Variants in TBC1D22A observed in about 807,000 individuals in gnomAD.
TBC1D22A encodes the protein TBC1 domain family member 22A, also known as putative GTPase activator.
Under a neutral mutation model 60.2 loss-of-function variants are expected in TBC1D22A, and 38 were observed. The ratio of observed to expected loss-of-function variants is 0.63; its 90% CI spans 0.49 to 0.83. TBC1D22A has a LOEUF of 0.83. Ranked by LOEUF, TBC1D22A falls within the 40% of genes least tolerant of loss-of-function variation. TBC1D22A has a pLI of 0.00. For synonymous variants in TBC1D22A, 302 were observed against 281.7 expected, an observed-to-expected ratio of 1.07 and a Z score of -0.72; for missense variants, 628 against 701.0, an observed-to-expected ratio of 0.90 and a Z score of 1.18.
intron 11 of TBC1D22A, among the ~76,000 whole-genome samples, chr22:47,077,561 G>A (rs566759731): frequency 6.6e-6 from 1 of 152,332 alleles, no homozygotes; most frequent in South Asian, 2.1e-4. Context: ...TCTATGCCCG[G>A]TGACCTTTAG....
At chr22:47,095,119 T>C (rs5767482) in intron 11 of TBC1D22A, among the ~76,000 whole-genome samples, 75,013 of 152,206 alleles carry the variant, frequency 0.49, 19,423 homozygotes, top group African/African-American at 0.63. Flanking sequence ...TTAAAATGGC[T>C]GTGCTCTGCA....
intron 10 of TBC1D22A, among the ~76,000 whole-genome samples, chr22:47,019,425 G>A (rs76296696): frequency 0.045 from 6,785 of 152,308 alleles, 254 homozygotes; most frequent in African/African-American, 0.092. Context: ...GACGGGAGCC[G>A]TCACTGGCTG....
intron 4 of TBC1D22A, among the ~76,000 whole-genome samples, chr22:46,809,753 C>A (rs2085303398): frequency 6.6e-6 from 1 of 152,112 alleles, no homozygotes; most frequent in Non-Finnish European, 1.5e-5. Context: ...CGTGATGAGG[C>A]CATCTGCGGA....
intron 10 of TBC1D22A, among the ~76,000 whole-genome samples, chr22:47,014,648 CAG>C (rs1461039064): frequency 3.3e-5 from 5 of 152,248 alleles, no homozygotes; most frequent in Admixed American, 1.3e-4. Flanking sequence ...GCCTGACCAA[CAG>C]GGATGCTGAG....
At chr22:47,052,641 A>C (rs1181579635) in intron 11 of TBC1D22A, among the ~76,000 whole-genome samples, 1 of 152,170 alleles carries the variant, frequency 6.6e-6, no homozygotes, top group East Asian at 1.9e-4. Flanking sequence ...GCCACATCAC[A>C]GCCCTCCTGC....
At chr22:46,971,989 C>T (rs1402025168) in intron 8 of TBC1D22A, among the ~76,000 whole-genome samples, 3 of 152,192 alleles carry the variant, frequency 2.0e-5, no homozygotes, top group Admixed American at 6.5e-5. Context: ...TGGGCACACC[C>T]GGCTGGGAGG....
intron 4 of TBC1D22A, among the ~76,000 whole-genome samples, chr22:46,808,825 A>G (rs2085261731): frequency 1.3e-5 from 2 of 152,194 alleles, no homozygotes; most frequent in South Asian, 4.1e-4. Flanking sequence ...CAATCTCCTG[A>G]CCTCGTGATC....
intron 9 of TBC1D22A, among the ~76,000 whole-genome samples, chr22:46,984,676 G>A (rs573418789): frequency 6.6e-6 from 1 of 152,252 alleles, no homozygotes; most frequent in African/African-American, 2.4e-5. Context: ...AAGAATTATT[G>A]AATTCCAAGA....
At chr22:46,809,201 A>T (rs1056680877) in intron 4 of TBC1D22A, among the ~76,000 whole-genome samples, 10 of 152,134 alleles carry the variant, frequency 6.6e-5, no homozygotes, top group Admixed American at 1.3e-4. Flanking sequence ...CCCGGCTTGC[A>T]GATGCCACAT....
At chr22:46,762,916 G>A in intron 1 of TBC1D22A, 68 bp downstream of exon 1, 1 of 1,419,278 alleles carries the variant, frequency 7.0e-7, no homozygotes, top group Non-Finnish European at 9.3e-7. Context: ...TTGGCCTCCT[G>A]GGCTGCGGGT....
chr22:46,885,905 A>G (rs2068088738), intron 5 of TBC1D22A, among the ~76,000 whole-genome samples: 1 of 148,524 alleles, frequency 6.7e-6, no homozygotes, highest in African/African-American at 2.6e-5. Flanking sequence ...TGTTACTGTT[A>G]GAATTTTTTT....
rs867539156 is a variant in TBC1D22A at position 46,967,823 on chromosome 22, A to G, written c.1016-6467A>G. Among the ~76,000 whole-genome samples the G allele has an allele frequency of 5.3e-5, 8 of 151,606 alleles. No individual in the cohort carries two copies. In the South Asian group the frequency reaches 1.7e-3, roughly 31 times the overall value. ...TTGCACCCCCTGGTAATTACAAGCTATGATTCCAGTGCACCCCCTGGTAAT... is the reference window on the plus strand; with the variant it reads ...TTGCACCCCCTGGTAATTACAAGCTGTGATTCCAGTGCACCCCCTGGTAAT... On this transcript the variant is annotated intron_variant, in intron 8 of 12. Coordinates refer to ENST00000337137, the MANE Select transcript of TBC1D22A (RefSeq NM_014346.5).
intron 12 of TBC1D22A, among the ~76,000 whole-genome samples, chr22:47,126,625 G>A (rs1335323341): frequency 6.6e-6 from 1 of 152,252 alleles, no homozygotes; most frequent in East Asian, 1.9e-4. Context: ...CCCTGGCGCT[G>A]TCTTCTCTGG....
chr22:46,809,918 A>G (rs921894143), intron 4 of TBC1D22A, among the ~76,000 whole-genome samples: 1 of 152,166 alleles, frequency 6.6e-6, no homozygotes, highest in Non-Finnish European at 1.5e-5. Flanking sequence ...CTCCTCTCCC[A>G]TGCTGCTATA....
At chr22:46,839,199 AAC>A (rs1285172309) in intron 4 of TBC1D22A, among the ~76,000 whole-genome samples, 1 of 152,252 alleles carries the variant, frequency 6.6e-6, no homozygotes, top group African/African-American at 2.4e-5. Context: ...TCTATACACT[AAC>A]AACAACTCTC....
chr22:46,790,361 C>T (rs546707481), intron 1 of TBC1D22A, among the ~76,000 whole-genome samples: 6 of 152,314 alleles, frequency 3.9e-5, no homozygotes, highest in African/African-American at 7.2e-5. Context: ...TGTGCCCATC[C>T]GGATTGCCCA....
chr22:47,099,843 C>T (rs1308518295), intron 11 of TBC1D22A, among the ~76,000 whole-genome samples: 2 of 152,212 alleles, frequency 1.3e-5, no homozygotes, highest in Non-Finnish European at 2.9e-5. Flanking sequence ...GTGCCTCACA[C>T]AGCCACTCCA....
At chr22:47,055,778 G>A (rs1445263660) in intron 11 of TBC1D22A, among the ~76,000 whole-genome samples, 1 of 152,138 alleles carries the variant, frequency 6.6e-6, no homozygotes, top group African/African-American at 2.4e-5. Context: ...CTGCTGCTGG[G>A]AGCTGGGATG....
chr22:47,071,122 C>A (rs887308011), intron 11 of TBC1D22A, among the ~76,000 whole-genome samples: 19 of 152,314 alleles, frequency 1.2e-4, no homozygotes, highest in African/African-American at 4.6e-4. Flanking sequence ...TTTTAATGAG[C>A]AACTGAAAAG....
Sources: allele counts gnomAD v4.1 joint callset (sites outside exome capture counted in the v4.1 genomes callset), GRCh38; gene constraint gnomAD v4.1.1; transcripts MANE v1.5; gene names NCBI Gene and HGNC (gene_info 2026-07-23, HGNC 2026-07-21).